Variants in STPG2 observed in about 807,000 individuals in gnomAD.
STPG2 encodes the protein sperm tail PG-rich repeat containing 2, also known as sperm-tail PG-rich repeat-containing protein 2.
A neutral mutation model predicts 54.2 loss-of-function variants in STPG2; 56 were observed. That is an observed-to-expected ratio of 1.03 (90% CI 0.83 to 1.29). The LOEUF is 1.29. Ranked by LOEUF, STPG2 falls within the 50% of genes most tolerant of loss-of-function variation. The pLI is 0.00. For missense variants in STPG2, 596 were observed against 544.9 expected (o/e 1.09, Z -0.93); for synonymous variants, 200 against 181.8 (o/e 1.10, Z -0.81).
intron 10 of STPG2, among the ~76,000 whole-genome samples, chr4:97,656,982 T>A (rs1418403055): frequency 6.6e-6 from 1 of 152,066 alleles, no homozygotes; most frequent in Non-Finnish European, 1.5e-5. Context: ...ATATTTGGTA[T>A]ATTTTTAATG....
At chr4:97,466,391 A>G (rs1229561119) in intron 4 of STPG2, among the ~76,000 whole-genome samples, 1 of 151,992 alleles carries the variant, frequency 6.6e-6, no homozygotes, top group Non-Finnish European at 1.5e-5. Context: ...TTCTTGAACT[A>G]TACTGTCTAC....
chr4:97,716,501 T>C lies in STPG2; in HGVS notation c.1205-3687A>G, dbSNP rs191848410. Among the ~76,000 whole-genome samples the C allele has an allele frequency of 1.1e-4, 17 of 152,168 alleles. No individual in the cohort carries two copies. In the East Asian group the frequency reaches 3.3e-3, roughly 29 times the overall value. ...AAGAAAATGTGGCACATATACACCA[T>C]GGAATACTATGCAGGTATAAAAAAA... On this transcript the variant is annotated intron_variant, in intron 9 of 10. Coordinates refer to ENST00000295268, the MANE Select transcript of STPG2 (RefSeq NM_174952.3).
At chr4:97,814,380 G>C (rs1727843211) in intron 9 of STPG2, among the ~76,000 whole-genome samples, 1 of 152,106 alleles carries the variant, frequency 6.6e-6, no homozygotes, top group Admixed American at 6.5e-5. Flanking sequence ...CCAGGCTGGA[G>C]TGCAGTGGTG....
At chr4:97,638,157 T>C (rs1721625483) in intron 10 of STPG2, among the ~76,000 whole-genome samples, 1 of 152,000 alleles carries the variant, frequency 6.6e-6, no homozygotes, top group South Asian at 2.1e-4. Flanking sequence ...TATAGATCAA[T>C]GGAACAGAAC....
At chr4:97,827,425 C>T (rs1260365154) in intron 9 of STPG2, among the ~76,000 whole-genome samples, 4 of 151,886 alleles carry the variant, frequency 2.6e-5, no homozygotes, top group South Asian at 2.1e-4. Context: ...TTAGTAGAGA[C>T]GGGGCTTCAC....
chr4:97,741,361 A>G (rs907733675), intron 9 of STPG2, among the ~76,000 whole-genome samples: 1 of 152,186 alleles, frequency 6.6e-6, no homozygotes, highest in Non-Finnish European at 1.5e-5. Flanking sequence ...GAATTGACAA[A>G]TGGGATCTCA....
chr4:97,690,729 A>ATATT (rs2148988120), intron 10 of STPG2, among the ~76,000 whole-genome samples: 2 of 152,326 alleles, frequency 1.3e-5, no homozygotes, highest in South Asian at 4.1e-4. Context: ...GATTCCATTA[A>ATATT]TATTTCTTTC....
At chr4:98,065,583 A>C (rs553100523) in intron 5 of STPG2, among the ~76,000 whole-genome samples, 20 of 152,230 alleles carry the variant, frequency 1.3e-4, no homozygotes, top group Non-Finnish European at 2.8e-4. Flanking sequence ...TAACTTATTC[A>C]AAATTGACTT....
At chr4:97,539,920 G>A (rs562701411) in intron 4 of STPG2, among the ~76,000 whole-genome samples, 1 of 152,280 alleles carries the variant, frequency 6.6e-6, no homozygotes, top group South Asian at 2.1e-4. Flanking sequence ...AGATTTCTTT[G>A]AAACCAATGA....
chr4:97,607,229 C>T (rs1733617989), intron 10 of STPG2, among the ~76,000 whole-genome samples: 1 of 151,706 alleles, frequency 6.6e-6, no homozygotes, highest in South Asian at 2.1e-4. Context: ...GAATCCAATG[C>T]CTCAGAATAT....
chr4:97,939,318 T>C (rs373235390), intron 8 of STPG2, among the ~76,000 whole-genome samples: 2,851 of 49,142 alleles, frequency 0.058, 41 homozygotes, highest in Non-Finnish European at 0.099. Flanking sequence ...TGAAAAGGTC[T>C]ATCAGATCCA....
At position 97,479,525 on chromosome 4, in the gene STPG2, C is replaced by T. The variant is rs192381163; in HGVS notation, c.462+233174G>A. Among the ~76,000 whole-genome samples the T allele has an allele frequency of 4.3e-3, 646 of 151,872 alleles. 3 individuals are homozygous for T. The highest frequency in any genetic ancestry group is 0.02 in the South Asian group (98 of 4,820). On this transcript the variant is annotated intron_variant, in intron 4 of 4. Transcript: ENST00000522676. ...ATTTAGTGGACTATAAATGTCCTTTCGAATCTGACATTCTATATTAAATAC... is the reference window on the plus strand; with the variant it reads ...ATTTAGTGGACTATAAATGTCCTTTTGAATCTGACATTCTATATTAAATAC...
At chr4:97,862,706 C>T (rs1477593663) in intron 8 of STPG2, among the ~76,000 whole-genome samples, 3 of 152,142 alleles carry the variant, frequency 2.0e-5, no homozygotes, top group Non-Finnish European at 4.4e-5. Flanking sequence ...GTAAAGCACT[C>T]CTCAGCAAAT....
At chr4:97,683,281 G>A (rs1025771292) in intron 10 of STPG2, among the ~76,000 whole-genome samples, 2 of 151,748 alleles carry the variant, frequency 1.3e-5, no homozygotes, top group Non-Finnish European at 3.0e-5. Context: ...AGTCATTAAA[G>A]CTTTGCATTT....
intron 4 of STPG2, among the ~76,000 whole-genome samples, chr4:97,455,944 T>C (rs1729505708): frequency 1.3e-5 from 2 of 152,222 alleles, no homozygotes; most frequent in Admixed American, 1.3e-4. Flanking sequence ...ACTCCTGCTG[T>C]TGCACACCCC....
At chr4:97,933,137 C>T (rs1446565948) in intron 8 of STPG2, among the ~76,000 whole-genome samples, 1 of 151,840 alleles carries the variant, frequency 6.6e-6, no homozygotes, top group Admixed American at 6.6e-5. Context: ...AGCTTTTTTT[C>T]ATTTGTTTAT....
intron 7 of STPG2, among the ~76,000 whole-genome samples, chr4:97,961,639 A>G (rs1733893731): frequency 6.6e-6 from 1 of 152,196 alleles, no homozygotes; most frequent in South Asian, 2.1e-4. Flanking sequence ...GGTAAATGCA[A>G]ATCAAAACTA....
chr4:98,121,093 G>C (rs963302815), intron 3 of STPG2, among the ~76,000 whole-genome samples: 1 of 152,080 alleles, frequency 6.6e-6, no homozygotes, highest in Non-Finnish European at 1.5e-5. Flanking sequence ...ATAAAGAAGG[G>C]GTCCAGTTTC....
intron 9 of STPG2, among the ~76,000 whole-genome samples, chr4:97,824,966 A>C (rs1270255820): frequency 6.6e-6 from 1 of 152,150 alleles, no homozygotes; most frequent in African/African-American, 2.4e-5. Flanking sequence ...TACCTTTAGT[A>C]AGGTTCAAAC....
Sources: gnomAD v4.1 joint callset for allele counts (sites outside exome capture counted in the v4.1 genomes callset) on GRCh38, gnomAD v4.1.1 for gene constraint, MANE v1.5 for transcripts, NCBI Gene and HGNC (gene_info 2026-07-23, HGNC 2026-07-21) for gene names.